Variants in MSI2 observed in about 807,000 individuals in gnomAD.
MSI2 encodes the protein musashi RNA binding protein 2.
In MSI2, 17 loss-of-function variants were observed where a neutral mutation model predicts 45.6. The ratio of observed to expected loss-of-function variants is 0.37; its 90% CI spans 0.26 to 0.56. The LOEUF (loss-of-function observed/expected upper bound fraction) is 0.56, where lower values mean the gene tolerates loss of function less well. MSI2 is among the 20% of genes least tolerant of loss of function. MSI2 has a pLI of 0.77. For missense variants in MSI2, 293 were observed against 444.2 expected (o/e 0.66, Z 3.06); for synonymous variants, 156 against 158.2 (o/e 0.99, Z 0.11).
At chr17:57,688,535 A>G (rs1913925511), downstream of MSI2, among the ~76,000 whole-genome samples, 1 of 152,192 alleles carries the variant, frequency 6.6e-6, no homozygotes, top group South Asian at 2.1e-4. Flanking sequence ...CAGCCATTAA[A>G]ACAGGTAACC....
At chr17:57,538,607 T>A (rs2086972915) in intron 7 of MSI2, among the ~76,000 whole-genome samples, 1 of 152,064 alleles carries the variant, frequency 6.6e-6, no homozygotes. Context: ...CCTGGTTTCT[T>A]CCCCCTTCCT....
At chr17:57,323,949 T>C (rs1432819585) in intron 5 of MSI2, among the ~76,000 whole-genome samples, 1 of 152,160 alleles carries the variant, frequency 6.6e-6, no homozygotes, top group Non-Finnish European at 1.5e-5. Context: ...TTTCCCAGGT[T>C]ATGCAGCTGT....
intron 7 of MSI2, among the ~76,000 whole-genome samples, chr17:57,567,786 T>C (rs1414067627): frequency 9.9e-5 from 15 of 152,232 alleles, no homozygotes; most frequent in Admixed American, 9.2e-4. Context: ...AATGTATTTA[T>C]CCTTCTTCAT....
At chr17:57,582,039 G>C (rs1299222733) in intron 7 of MSI2, among the ~76,000 whole-genome samples, 1 of 152,190 alleles carries the variant, frequency 6.6e-6, no homozygotes, top group East Asian at 1.9e-4. Flanking sequence ...TCAGTCAGGA[G>C]GACCCAGGAG....
rs191566573 is a variant in MSI2 at position 57,256,534 on chromosome 17, C to G, written c.-209C>G. On this transcript the variant is annotated 5_prime_UTR_variant, in exon 1 of 14. Transcript: ENST00000284073. ...GGGGACGGGGGGGTGTGCGAGGCAG[C>G]GGGGCTGAGCTAAGCCGAGCCCACG... 2 of 290,526 alleles carry G rather than the reference C, an allele frequency of 6.9e-6. No homozygotes were observed. Among genetic ancestry groups the G allele is most frequent in the African/African-American group, 5.5e-5 (2 of 36,210 alleles). The allele number at this position is 290,526 out of a possible 1,614,324, so 18.0% of individuals were successfully genotyped here.
At chr17:57,284,338 G>A (rs527437202) in intron 5 of MSI2, among the ~76,000 whole-genome samples, 182 of 149,254 alleles carry the variant, frequency 1.2e-3, no homozygotes, top group African/African-American at 4.2e-3. Context: ...CCCCGCACCC[G>A]CCACCCCGAA....
intron 6 of MSI2, among the ~76,000 whole-genome samples, chr17:57,465,190 G>A (rs992340279): frequency 5.3e-5 from 8 of 152,226 alleles, no homozygotes; most frequent in East Asian, 1.9e-4. Context: ...GGCCGGGTGC[G>A]GTGGCTCAGG....
At chr17:57,279,773 T>C in intron 5 of MSI2, 1 of 152,128 alleles carries the variant, frequency 6.6e-6, no homozygotes, top group Admixed American at 6.5e-5. Context: ...GCCTCCCAAG[T>C]AGCTAGGACC....
intron 5 of MSI2, among the ~76,000 whole-genome samples, chr17:57,339,832 T>G (rs995093420): frequency 6.6e-6 from 1 of 152,178 alleles, no homozygotes; most frequent in African/African-American, 2.4e-5. Context: ...TCCCATGGTC[T>G]GTGCTTAGGG....
In MSI2 at chr17:57,420,151, T is replaced by C. The variant is rs1009398869; in HGVS notation, c.405+18680T>C. 2.6e-5 allele frequency among the ~76,000 whole-genome samples: 4 copies of C among 152,174 alleles called. No homozygotes were observed. The East Asian group carries it at 7.7e-4, about 29-fold the overall frequency. On this transcript the variant is annotated intron_variant, in intron 6 of 13. Transcript: ENST00000284073. ...TGCCCTCTGCTGAAAAGGAGTCAGG[T>C]TGCACCTCTAGGGTCCAGGACGCAG...
chr17:57,316,742 C>T (rs374877274), intron 5 of MSI2, among the ~76,000 whole-genome samples: 9 of 152,248 alleles, frequency 5.9e-5, no homozygotes, highest in African/African-American at 1.9e-4. Context: ...TTAATCTAAT[C>T]GCATGGATAT....
chr17:57,492,722 C>T (rs2085899713), intron 6 of MSI2, among the ~76,000 whole-genome samples: 1 of 152,156 alleles, frequency 6.6e-6, no homozygotes, highest in Non-Finnish European at 1.5e-5. Context: ...GCCTCAGCCT[C>T]CCAAACTGGG....
rs116951874 is a variant in MSI2 at position 57,439,102 on chromosome 17, G to T, written c.405+37631G>T. On this transcript the variant is annotated intron_variant, in intron 6 of 13. Transcript: ENST00000284073. ...AATTTTGTTGTATGTCTGTTGAGTT[G>T]AGTTGCTCAGGACTTGTTGCAGTAG... 1.8e-4 allele frequency among the ~76,000 whole-genome samples: 28 copies of T among 152,314 alleles called. No homozygotes were observed. In the East Asian group the frequency reaches 5.2e-3, roughly 28 times the overall value.
intron 5 of MSI2, among the ~76,000 whole-genome samples, chr17:57,295,992 C>CT (rs386386327): frequency 1.3e-3 from 50 of 38,644 alleles, no homozygotes; most frequent in Non-Finnish European, 1.8e-3. Context: ...CGCAGCCTTC[C>CT]TTTTTTTTTT....
chr17:57,456,392 G>T (rs548059200), intron 6 of MSI2, among the ~76,000 whole-genome samples: 1 of 152,180 alleles, frequency 6.6e-6, no homozygotes, highest in Non-Finnish European at 1.5e-5. Context: ...GGTGGATCAC[G>T]AGATCAGGAG....
At chr17:57,662,132 T>C (rs1220284003) in intron 11 of MSI2, among the ~76,000 whole-genome samples, 1 of 152,014 alleles carries the variant, frequency 6.6e-6, no homozygotes, top group Non-Finnish European at 1.5e-5. Flanking sequence ...TGGTTGCTTA[T>C]TAATATTAAT....
intron 6 of MSI2, among the ~76,000 whole-genome samples, chr17:57,448,063 G>A (rs147003831): frequency 8.5e-5 from 13 of 152,288 alleles, no homozygotes; most frequent in East Asian, 5.8e-4. Context: ...GTTACTGAAC[G>A]GGAGGCAGGC....
intron 7 of MSI2, among the ~76,000 whole-genome samples, chr17:57,580,993 G>C (rs946257563): frequency 2.2e-4 from 26 of 118,848 alleles, no homozygotes; most frequent in Admixed American, 3.6e-4. Context: ...CCAGCCCCAT[G>C]AGGTCAGCAT....
intron 5 of MSI2, among the ~76,000 whole-genome samples, chr17:57,398,293 A>G (rs2083927288): frequency 6.6e-6 from 1 of 152,234 alleles, no homozygotes; most frequent in Non-Finnish European, 1.5e-5. Context: ...AAATGAGACC[A>G]TGGGGTTCAG....
Sources: gnomAD v4.1 joint callset for allele counts (sites outside exome capture counted in the v4.1 genomes callset) on GRCh38, gnomAD v4.1.1 for gene constraint, MANE v1.5 for transcripts, NCBI Gene and HGNC (gene_info 2026-07-23, HGNC 2026-07-21) for gene names.